The following TNS1 variants were observed in gnomAD, a reference collection of about 807,000 sequenced individuals.
The protein encoded by TNS1 is tensin-1.
TNS1 carries 62 observed loss-of-function variants against 168.6 expected under a neutral mutation model. The ratio of observed to expected loss-of-function variants is 0.37; its 90% confidence interval spans 0.30 to 0.45. TNS1 has a LOEUF of 0.45. Among genes scored for constraint, TNS1 ranks in the 20% least tolerant of loss-of-function variants. The pLI is 1.00. For missense variants in TNS1, 2,240 were observed against 2,339.4 expected (o/e 0.96, Z 0.88); for synonymous variants, 934 against 933.2 (o/e 1.00, Z -0.02).
chr2:217,886,950 A>G (rs1951261749), intron 12 of TNS1, among the ~76,000 whole-genome samples: 2 of 152,146 alleles, frequency 1.3e-5, no homozygotes, highest in Non-Finnish European at 2.9e-5. Context: ...CTTCACTCCC[A>G]GCCCGAGAAT....
chr2:217,928,748 C>T (rs910107534), intron 3 of TNS1, among the ~76,000 whole-genome samples: 1 of 152,152 alleles, frequency 6.6e-6, no homozygotes, highest in Non-Finnish European at 1.5e-5. Flanking sequence ...TCAACCTATC[C>T]CCAAAGCTCC....
At chr2:217,894,954 A>T in intron 9 of TNS1, 52 bp downstream of exon 9, 1 of 1,544,696 alleles carries the variant, frequency 6.5e-7, no homozygotes, top group Non-Finnish European at 8.9e-7. Context: ...CCAGAGAGGG[A>T]GTCCATCTGT....
chr2:217,865,524 AAGG>A (rs1477973250), intron 18 of TNS1, among the ~76,000 whole-genome samples: 1 of 152,202 alleles, frequency 6.6e-6, no homozygotes, highest in Non-Finnish European at 1.5e-5. Flanking sequence ...GCCCCTGGAG[AAGG>A]AGAAGAACAC....
chr2:217,806,295 C>T (rs760197965), intron 32 of TNS1, among the ~76,000 whole-genome samples: 29 of 152,232 alleles, frequency 1.9e-4, no homozygotes, highest in Non-Finnish European at 1.0e-4. Flanking sequence ...CAGGAGGAAG[C>T]GCTTGCAAGA....
intron 30 of TNS1, among the ~76,000 whole-genome samples, chr2:217,809,085 T>C (rs865999184): frequency 3.9e-5 from 6 of 152,214 alleles, no homozygotes; most frequent in Middle Eastern, 6.8e-3. Context: ...GATGGATGAA[T>C]GGGTGGATGG....
rs1008283441 is a variant in TNS1 at position 217,853,120 on chromosome 2, G to A, written c.1430-4033C>T. On this transcript the variant is annotated intron_variant, in intron 18 of 32. Coordinates refer to ENST00000682258, the MANE Select transcript of TNS1 (RefSeq NM_001387777.1). ...TCATTCCCTTCTCACCATCCACCAC[G>A]GCCACATTAGAGCTTTTTACCGGGA... 2.0e-5 allele frequency among the ~76,000 whole-genome samples: 3 copies of A among 152,132 alleles called. No individual in the cohort carries two copies. In the South Asian group the frequency reaches 6.3e-4, roughly 32 times the overall value.
chr2:217,853,079 G>A lies in TNS1; in HGVS notation c.1430-3992C>T, dbSNP rs961214047. On this transcript the variant is annotated intron_variant, in intron 18 of 32. Coordinates refer to ENST00000682258, the MANE Select transcript of TNS1 (RefSeq NM_001387777.1). ...ACAAAAGTCCCCCAGCCCCCACTCC[G>A]GCACACACACTCTCATCATTCCCTT... Among the ~76,000 whole-genome samples the A allele has an allele frequency of 6.6e-5, 10 of 151,708 alleles. No homozygotes were observed. The East Asian group carries it at 9.7e-4, about 15-fold the overall frequency.
At chr2:217,901,471 T>C (rs1952969832) in intron 6 of TNS1, among the ~76,000 whole-genome samples, 1 of 152,188 alleles carries the variant, frequency 6.6e-6, no homozygotes, top group African/African-American at 2.4e-5. Flanking sequence ...CATTCACCTC[T>C]ATAGAAAACC....
intron 6 of TNS1, among the ~76,000 whole-genome samples, chr2:217,903,385 G>T (rs750315424): frequency 6.6e-5 from 10 of 152,176 alleles, no homozygotes; most frequent in Non-Finnish European, 1.0e-4. Context: ...TCCGCGTGGA[G>T]CCCCTAGGGA....
At chr2:217,937,196 TCCCCCC>T (rs1429623033) in intron 3 of TNS1, 9 of 322,950 alleles carry the variant, frequency 2.8e-5, no homozygotes, top group African/African-American at 2.3e-4. Flanking sequence ...ACTCCCCTAC[TCCCCCC>T]ACTAGATCGT....
chr2:217,954,394 G>A (rs930666298), intron 3 of TNS1, among the ~76,000 whole-genome samples: 5 of 152,226 alleles, frequency 3.3e-5, no homozygotes, highest in Admixed American at 1.3e-4. Context: ...TGATGATGAT[G>A]GTGATGGCGA....
Position 217,880,768 on chromosome 2 carries a change from G to C in TNS1, c.1429+130C>G, listed in dbSNP as rs1339958342. On this transcript the variant is annotated intron_variant, in intron 18 of 32. Transcript: ENST00000682258. The surrounding 1 kb of genome is among the most constrained non-coding windows in gnomAD (Gnocchi z 4.2). Reference sequence around the variant, plus strand: ...CCCCAGTTAACGGTGAGCTCTCGGAGGTACCTCACACTTCCCCTCTGCCTC... The same window carrying C: ...CCCCAGTTAACGGTGAGCTCTCGGACGTACCTCACACTTCCCCTCTGCCTC... 2 of 703,006 alleles carry C rather than the reference G, an allele frequency of 2.8e-6. No homozygotes were observed. The highest frequency in any genetic ancestry group is 3.5e-5 in the African/African-American group (2 of 56,574). The allele number at this position is 703,006 out of a possible 1,614,324, so 43.5% of individuals were successfully genotyped here.
At chr2:217,911,382 C>T (rs1336420766) in intron 4 of TNS1, among the ~76,000 whole-genome samples, 1 of 152,136 alleles carries the variant, frequency 6.6e-6, no homozygotes, top group African/African-American at 2.4e-5. Flanking sequence ...AATGTTGGGG[C>T]ACAACATTTA....
intron 3 of TNS1, among the ~76,000 whole-genome samples, chr2:217,964,561 G>A (rs943507773): frequency 2.0e-5 from 3 of 152,320 alleles, no homozygotes; most frequent in Admixed American, 1.3e-4. Context: ...TAGTGTTGCT[G>A]TGAGGATTAG....
chr2:217,806,555 G>C (rs1176852041), intron 32 of TNS1, among the ~76,000 whole-genome samples: 1 of 152,204 alleles, frequency 6.6e-6, no homozygotes, highest in African/African-American at 2.4e-5. Flanking sequence ...GCAGGGCCCT[G>C]TGGTGAGTGA....
rs554649973 is a variant in TNS1, at chr2:217,973,087, C to T, written c.186+5678G>A. ...GTGGAAGGCAGGCAGGGTGTGGTGG[C>T]TCATGCCTGTAATCTCAGCACTTTG... On this transcript the variant is annotated intron_variant, in intron 3 of 32. Coordinates refer to ENST00000682258, the MANE Select transcript of TNS1 (RefSeq NM_001387777.1). 8.1e-4 allele frequency among the ~76,000 whole-genome samples: 124 copies of T among 152,280 alleles called. 1 individual carries two copies. The highest frequency in any genetic ancestry group is 2.7e-3 in the African/African-American group (111 of 41,558).
intron 3 of TNS1, among the ~76,000 whole-genome samples, chr2:217,944,995 C>T (rs1575126443): frequency 6.6e-6 from 1 of 152,222 alleles, no homozygotes; most frequent in South Asian, 2.1e-4. Context: ...TATTAACTCT[C>T]ACTTAGTCTT....
chr2:217,810,329 A>G lies in TNS1; in HGVS notation c.5033-10T>C. The G allele has an allele frequency of 6.2e-7, 1 of 1,614,044 alleles. No homozygotes were observed. The highest frequency in any genetic ancestry group is 8.5e-7 in the Non-Finnish European group (1 of 1,179,968). On this transcript the variant is annotated splice_polypyrimidine_tract_variant and intron_variant, in intron 28 of 32. Transcript: ENST00000682258. ...GATTCATCTGTGGGGTCTAAGACAA[A>G]AATTCAGTAGGAATTAAAACCCTAG... is the stretch of plus-strand genomic sequence containing the variant.
chr2:218,009,577 C>T (rs1958688274), intron 1 of TNS1, among the ~76,000 whole-genome samples: 1 of 151,338 alleles, frequency 6.6e-6, no homozygotes, highest in Non-Finnish European at 1.5e-5. Flanking sequence ...CTGTCCAGTT[C>T]CCTGGTCCCT....
Sources: gnomAD v4.1 joint callset for allele counts (sites outside exome capture counted in the v4.1 genomes callset) on GRCh38, gnomAD v4.1.1 for gene constraint, Gnocchi (gnomAD v3.1) non-coding constraint, MANE v1.5 for transcripts, NCBI Gene and HGNC (gene_info 2026-07-23, HGNC 2026-07-21) for gene names.